The following PCNX2 variants were observed in gnomAD, a reference collection of about 807,000 sequenced individuals.
PCNX2 encodes pecanex 2.
In PCNX2, 168 loss-of-function variants were observed where a neutral mutation model predicts 223.8. That is an observed-to-expected ratio of 0.75 (90% CI 0.66 to 0.85). The LOEUF (loss-of-function observed/expected upper bound fraction) is 0.85. Ranked by LOEUF, PCNX2 falls within the 40% of genes least tolerant of loss-of-function variation. The pLI, the probability that PCNX2 is intolerant of heterozygous loss-of-function variation, is 0.00. For missense variants in PCNX2, 2,507 were observed against 2,675.5 expected (o/e 0.94, Z 1.39); for synonymous variants, 1,006 against 1,052.6 (o/e 0.96, Z 0.86).
At chr1:233,277,336 C>T (rs927773569) in intron 1 of PCNX2, among the ~76,000 whole-genome samples, 6 of 152,156 alleles carry the variant, frequency 3.9e-5, no homozygotes, top group Non-Finnish European at 8.8e-5. Context: ...ATTTTAATCA[C>T]ATCACTGCCC....
chr1:233,045,041 A>T (rs1671779375), intron 25 of PCNX2, among the ~76,000 whole-genome samples: 1 of 152,176 alleles, frequency 6.6e-6, no homozygotes. Flanking sequence ...AGGATGTGCC[A>T]TGGACCTTGA....
chr1:233,145,470 C>A (rs1262787304), intron 19 of PCNX2, among the ~76,000 whole-genome samples: 2 of 152,276 alleles, frequency 1.3e-5, no homozygotes, highest in Middle Eastern at 3.4e-3. Flanking sequence ...ACTTCTATTT[C>A]CCCCAGCACT....
chr1:232,986,451 CTA>C lies in PCNX2; in HGVS notation c.5879_5880del (p.Leu1960Ter). Reference sequence around the variant, plus strand: ...GTCTGGAGGAATGTTTGGCGGCTCTCTAAGATGGGGCCAGATGAGCTCAGCAT... The same window carrying C: ...GTCTGGAGGAATGTTTGGCGGCTCTCAGATGGGGCCAGATGAGCTCAGCAT... ...PPMLSSSGPI[L>X]ESRQTFLQTS... On this transcript the variant is annotated frameshift_variant, in exon 33 of 34. Coordinates refer to ENST00000258229, the MANE Select transcript of PCNX2 (RefSeq NM_014801.4). LOFTEE classifies it high-confidence loss of function. 6.2e-7 allele frequency: 1 copy of C among 1,607,304 alleles called. No homozygotes were observed. Among genetic ancestry groups the C allele is most frequent in the Non-Finnish European group, 8.5e-7 (1 of 1,176,816 alleles).
chr1:233,118,113 T>C (rs1006145678), intron 21 of PCNX2, among the ~76,000 whole-genome samples: 2 of 152,138 alleles, frequency 1.3e-5, no homozygotes, highest in African/African-American at 4.8e-5. Context: ...AATCCACTTA[T>C]TAACAGGCTA....
intron 26 of PCNX2, among the ~76,000 whole-genome samples, chr1:233,024,268 G>A (rs576651826): frequency 6.6e-5 from 10 of 152,336 alleles, no homozygotes; most frequent in African/African-American, 1.9e-4. Flanking sequence ...AACTTTAGGT[G>A]CCAAGTTATC....
the PCNX2 span, among the ~76,000 whole-genome samples, chr1:233,309,189 T>C: frequency 9.2e-5 from 14 of 152,270 alleles, no homozygotes; most frequent in Admixed American, 4.6e-4. Flanking sequence ...CAATACAAAA[T>C]TTGAAGTTAT....
intron 17 of PCNX2, among the ~76,000 whole-genome samples, chr1:233,172,898 T>G (rs559715795): frequency 1.3e-5 from 2 of 152,326 alleles, no homozygotes; most frequent in Admixed American, 1.3e-4. Flanking sequence ...CCTCTTCCTC[T>G]CTCTCACTTT....
chr1:233,134,217 T>C (rs1676675542), intron 21 of PCNX2, among the ~76,000 whole-genome samples: 1 of 152,224 alleles, frequency 6.6e-6, no homozygotes, highest in Admixed American at 6.5e-5. Context: ...GGTTGTATCA[T>C]CACTGAGTTT....
intron 25 of PCNX2, among the ~76,000 whole-genome samples, chr1:233,049,769 T>C (rs1671935007): frequency 6.6e-6 from 1 of 152,070 alleles, no homozygotes. Context: ...AGTTTCAGGA[T>C]ACAAAATCAA....
the PCNX2 span, among the ~76,000 whole-genome samples, chr1:233,323,494 G>A: frequency 1.3e-5 from 2 of 152,200 alleles, no homozygotes; most frequent in African/African-American, 4.8e-5. Flanking sequence ...GTCTCTTGGT[G>A]CCATCTTTTC....
chr1:233,306,384 G>A, the PCNX2 span, among the ~76,000 whole-genome samples: 1,614 of 152,302 alleles, frequency 0.011, 28 homozygotes, highest in African/African-American at 0.036. Context: ...GGAAAGAGAA[G>A]TCTTGGGCAA....
intron 21 of PCNX2, among the ~76,000 whole-genome samples, chr1:233,112,230 G>T (rs963366898): frequency 6.6e-6 from 1 of 152,214 alleles, no homozygotes; most frequent in Non-Finnish European, 1.5e-5. Context: ...AAATCTGCAG[G>T]TTCCAAATGT....
At position 233,067,481 on chromosome 1, in the gene PCNX2, A is replaced by AT. The variant is rs994996839; in HGVS notation, c.4077-10192dup. Among the ~76,000 whole-genome samples, 412 of 145,790 alleles carry AT rather than the reference A, an allele frequency of 2.8e-3. 1 individual carries two copies. Among genetic ancestry groups the AT allele is most frequent in the African/African-American group, 8.8e-3 (354 of 40,052 alleles). On this transcript the variant is annotated intron_variant, in intron 23 of 33. Coordinates refer to ENST00000258229, the MANE Select transcript of PCNX2 (RefSeq NM_014801.4). ...TTACAACTGAAAAATACAGTAACTA[A>AT]TTTTTTTTTTGAGACAGAGTCTTGC...
intron 25 of PCNX2, among the ~76,000 whole-genome samples, chr1:233,026,402 T>C (rs4649426): frequency 3.7e-4 from 57 of 152,256 alleles, no homozygotes; most frequent in African/African-American, 1.3e-3. Flanking sequence ...CAACTTAGAA[T>C]GAGTTAGAGG....
intron 32 of PCNX2, among the ~76,000 whole-genome samples, chr1:232,994,975 AAAC>A (rs1669827756): frequency 6.6e-6 from 1 of 152,220 alleles, no homozygotes; most frequent in Non-Finnish European, 1.5e-5. Flanking sequence ...AGCAGTGTGA[AAAC>A]AGACTAATAC....
At position 233,279,511 on chromosome 1, in the gene PCNX2, C is replaced by T. The variant is rs769909862; in HGVS notation, c.153+15815G>A. On this transcript the variant is annotated intron_variant, in intron 1 of 33. Transcript: ENST00000258229. ...TGTTGTTCAGGCTGGATTTGAACTC[C>T]TAGGCTCAAGCAATCTGCCTGCCTC... is the stretch of plus-strand genomic sequence containing the variant. Among the ~76,000 whole-genome samples, 5 of 151,568 alleles carry T rather than the reference C, an allele frequency of 3.3e-5. No individual in the cohort carries two copies. The East Asian group carries it at 9.7e-4, about 29-fold the overall frequency.
chr1:233,019,264 C>T (rs1236838160), intron 26 of PCNX2: 26 of 925,872 alleles, frequency 2.8e-5, no homozygotes, highest in Non-Finnish European at 3.2e-5. Context: ...TTCTATTACG[C>T]TCCACAGTCT....
intron 19 of PCNX2, among the ~76,000 whole-genome samples, chr1:233,156,618 C>T (rs1678144173): frequency 6.6e-6 from 1 of 151,842 alleles, no homozygotes; most frequent in African/African-American, 2.4e-5. Flanking sequence ...CTGGAGGGGC[C>T]GATTTTAAAC....
intron 7 of PCNX2, among the ~76,000 whole-genome samples, chr1:233,251,648 C>T (rs1450891848): frequency 1.3e-5 from 2 of 152,186 alleles, no homozygotes; most frequent in Non-Finnish European, 2.9e-5. Flanking sequence ...TATATTTCTG[C>T]ACATGCAAAA....
Sources: allele counts gnomAD v4.1 joint callset (sites outside exome capture counted in the v4.1 genomes callset), GRCh38; gene constraint gnomAD v4.1.1; transcripts MANE v1.5; gene names NCBI Gene and HGNC (gene_info 2026-07-23, HGNC 2026-07-21).